PHC3: variants seen among roughly 807,000 people sequenced by gnomAD.
PHC3 encodes polyhomeotic-like protein 3.
PHC3 carries 13 observed loss-of-function variants against 107.4 expected under a neutral mutation model. The ratio of observed to expected loss-of-function variants is 0.12; its 90% CI spans 0.08 to 0.19. The LOEUF (loss-of-function observed/expected upper bound fraction) is 0.19. Among genes scored for constraint, PHC3 ranks in the 10% least tolerant of loss-of-function variants. PHC3 has a pLI of 1.00. For missense variants in PHC3, 992 were observed against 1,210.9 expected (o/e 0.82, Z 2.68); for synonymous variants, 456 against 427.4 (o/e 1.07, Z -0.83).
intron 8 of PHC3, among the ~76,000 whole-genome samples, chr3:170,126,846 T>C (rs1721390953): frequency 6.6e-6 from 1 of 151,974 alleles, no homozygotes; most frequent in Admixed American, 6.6e-5. Flanking sequence ...CAGCCTTATA[T>C]TTCTATCCCA....
chr3:170,163,051 G>C (rs1728146597), intron 4 of PHC3, among the ~76,000 whole-genome samples: 1 of 151,858 alleles, frequency 6.6e-6, no homozygotes, highest in African/African-American at 2.4e-5. Context: ...CTACGTACTT[G>C]TTTAATGTTC....
chr3:170,104,673 TCTC>T lies in PHC3; in HGVS notation c.2469-1742_2469-1740del, dbSNP rs546196956. Among the ~76,000 whole-genome samples the T allele has an allele frequency of 1.9e-3, 295 of 152,228 alleles. 1 individual carries two copies. The highest frequency in any genetic ancestry group is 3.4e-3 in the Non-Finnish European group (228 of 68,018). ...CCAGTATGCTGACACCAAAACAAAT[TCTC>T]CTCACCTACATTTTATAAAGATATC... On this transcript the variant is annotated intron_variant, in intron 12 of 14. Coordinates refer to ENST00000495893, the MANE Select transcript of PHC3 (RefSeq NM_024947.4).
chr3:170,125,866 G>A (rs532932526), intron 8 of PHC3: 1 of 380,196 alleles, frequency 2.6e-6, no homozygotes, highest in South Asian at 1.1e-4. Flanking sequence ...TGGAGGTTTT[G>A]CTCACTCACA....
intron 8 of PHC3, among the ~76,000 whole-genome samples, chr3:170,123,318 AT>A (rs1720705399): frequency 6.6e-6 from 1 of 151,716 alleles, no homozygotes; most frequent in Non-Finnish European, 1.5e-5. Context: ...CTCTTTATAT[AT>A]AATATGCAAA....
rs886798315 is a variant in PHC3 at position 170,089,657 on chromosome 3, C to G, written c.*7573G>C. On this transcript the variant is annotated 3_prime_UTR_variant, in exon 15 of 15. Transcript: ENST00000495893. ...GTCGGACAGGTGTGGTGGCTCATGC[C>G]TGTAATCCCAGCACTTAGGGAGGCC... 1 of 152,150 alleles carries G rather than the reference C, an allele frequency of 6.6e-6. No individual in the cohort carries two copies. Among genetic ancestry groups the G allele is most frequent in the Non-Finnish European group, 1.5e-5 (1 of 68,092 alleles). The allele number at this position is 152,150 out of a possible 1,614,324, so 9.4% of individuals were successfully genotyped here.
chr3:170,154,322 T>A (rs1726533313), intron 4 of PHC3, among the ~76,000 whole-genome samples: 1 of 152,248 alleles, frequency 6.6e-6, no homozygotes, highest in South Asian at 2.1e-4. Flanking sequence ...AGGGAAGAAC[T>A]GGACCCAAGT....
At chr3:170,136,373 A>G in intron 7 of PHC3, 46 bp downstream of exon 7, 7 of 1,609,322 alleles carry the variant, frequency 4.3e-6, no homozygotes, top group Non-Finnish European at 5.1e-6. Flanking sequence ...TCTGTCTGCT[A>G]AGAAAATGAA....
intron 4 of PHC3, among the ~76,000 whole-genome samples, chr3:170,157,222 G>A (rs368862469): frequency 8.5e-5 from 13 of 152,194 alleles, no homozygotes; most frequent in African/African-American, 2.9e-4. Flanking sequence ...AAGACACACT[G>A]TTAAGGGAAA....
chr3:170,144,070 C>T (rs1457180927), intron 6 of PHC3, among the ~76,000 whole-genome samples: 6 of 150,404 alleles, frequency 4.0e-5, no homozygotes, highest in Non-Finnish European at 8.9e-5. Flanking sequence ...CTCACGCCTG[C>T]AATCCCAGCA....
intron 11 of PHC3, among the ~76,000 whole-genome samples, chr3:170,107,621 C>T (rs181407531): frequency 9.2e-5 from 14 of 152,180 alleles, no homozygotes; most frequent in Admixed American, 7.9e-4. Context: ...TAAAAAGATG[C>T]ATATATCTAA....
intron 4 of PHC3, among the ~76,000 whole-genome samples, chr3:170,169,209 C>T (rs891561411): frequency 2.0e-5 from 3 of 152,186 alleles, no homozygotes; most frequent in African/African-American, 7.2e-5. Context: ...TGGGATCCCA[C>T]TCCTACTCTA....
chr3:170,141,558 T>C (rs1260557471), intron 6 of PHC3, among the ~76,000 whole-genome samples: 2 of 152,168 alleles, frequency 1.3e-5, no homozygotes, highest in East Asian at 1.9e-4. Flanking sequence ...ATCAGCTGTG[T>C]TTTCCTAAGC....
chr3:170,101,583 TTTTG>T (rs1237112676), intron 14 of PHC3, among the ~76,000 whole-genome samples: 3 of 152,166 alleles, frequency 2.0e-5, no homozygotes, highest in Admixed American at 6.5e-5. Flanking sequence ...GAAATAAATT[TTTTG>T]TTTTAGTCTC....
intron 4 of PHC3, among the ~76,000 whole-genome samples, chr3:170,167,024 A>G (rs778474237): frequency 4.6e-5 from 7 of 152,214 alleles, no homozygotes; most frequent in Non-Finnish European, 1.0e-4. Flanking sequence ...ACCAATCTAT[A>G]TTACCACTAA....
intron 11 of PHC3, among the ~76,000 whole-genome samples, chr3:170,109,896 T>C (rs187419825): frequency 2.0e-5 from 3 of 152,274 alleles, no homozygotes; most frequent in African/African-American, 4.8e-5. Context: ...TTTTACACTA[T>C]AGTACTTCCT....
Position 170,089,903 on chromosome 3 carries a change from C to T in PHC3, c.*7327G>A, listed in dbSNP as rs1178745014. 6 of 128,446 alleles carry T rather than the reference C, an allele frequency of 4.7e-5. No homozygotes were observed. Among genetic ancestry groups the T allele is most frequent in the Non-Finnish European group, 7.8e-5 (5 of 63,928 alleles). 8.0% of individuals were successfully genotyped at this position (128,446 alleles called of 1,614,324 possible). A position where few individuals can be genotyped will look rare whatever the true frequency, so the allele number is the denominator to read the frequency against. ...CTGCACACCAGCCTGGGCAACAGAG[C>T]GAACCCATCTCAAAAAAAAAAAAAA... is the stretch of plus-strand genomic sequence containing the variant. On this transcript the variant is annotated 3_prime_UTR_variant, in exon 15 of 15. Coordinates refer to ENST00000495893, the MANE Select transcript of PHC3 (RefSeq NM_024947.4).
chr3:170,128,351 A>C, intron 8 of PHC3: 3 of 1,294,834 alleles, frequency 2.3e-6, no homozygotes, highest in Non-Finnish European at 3.0e-6. Flanking sequence ...TTAAGAGAAA[A>C]AACTTTGTGC....
intron 12 of PHC3, among the ~76,000 whole-genome samples, chr3:170,105,295 C>T (rs1362407019): frequency 6.6e-6 from 1 of 152,082 alleles, no homozygotes; most frequent in African/African-American, 2.4e-5. Flanking sequence ...ACATGAGTTA[C>T]ATAATTTGAT....
chr3:170,166,185 T>C (rs552247257), intron 4 of PHC3, among the ~76,000 whole-genome samples: 2 of 151,962 alleles, frequency 1.3e-5, no homozygotes, highest in South Asian at 4.2e-4. Context: ...GCTGGAATTA[T>C]AGGCACGTAC....
Sources: gnomAD v4.1 joint callset for allele counts (sites outside exome capture counted in the v4.1 genomes callset) on GRCh38, gnomAD v4.1.1 for gene constraint, MANE v1.5 for transcripts, NCBI Gene and HGNC (gene_info 2026-07-23, HGNC 2026-07-21) for gene names.